VAV3: variants seen among roughly 807,000 people sequenced by gnomAD.
VAV3 encodes the protein vav guanine nucleotide exchange factor 3.
VAV3 carries 94 observed loss-of-function variants against 131.2 expected under a neutral mutation model. That is an observed-to-expected ratio of 0.72 (90% CI 0.61 to 0.85). VAV3 has a LOEUF of 0.85. VAV3 is among the 40% of genes least tolerant of loss of function. The probability of loss-of-function intolerance (pLI) is 0.00; values close to 1 mark genes in which losing one functional copy is unlikely to be tolerated. For synonymous variants in VAV3, 349 were observed against 342.0 expected (o/e 1.02, Z -0.22); for missense variants, 939 against 1,002.7 (o/e 0.94, Z 0.86).
chr1:107,755,880 C>T (rs1000609669), intron 11 of VAV3, among the ~76,000 whole-genome samples: 4 of 152,106 alleles, frequency 2.6e-5, no homozygotes, highest in African/African-American at 9.7e-5. Context: ...TATTTTTACA[C>T]AGGTTAGAAG....
At chr1:107,891,308 T>C (rs549155077) in intron 1 of VAV3, among the ~76,000 whole-genome samples, 31 of 152,308 alleles carry the variant, frequency 2.0e-4, no homozygotes, top group African/African-American at 6.0e-4. Context: ...TCAGATGTTA[T>C]ATCATTTTAA....
chr1:107,643,400 T>C (rs1655500796), intron 19 of VAV3, among the ~76,000 whole-genome samples: 1 of 152,280 alleles, frequency 6.6e-6, no homozygotes, highest in African/African-American at 2.4e-5. Flanking sequence ...TTTGTATTTC[T>C]TTGAATGTGC....
At chr1:107,597,960 T>G (rs1651523041) in intron 24 of VAV3, among the ~76,000 whole-genome samples, 1 of 152,110 alleles carries the variant, frequency 6.6e-6, no homozygotes, top group South Asian at 2.1e-4. Context: ...ATCAGTGAGG[T>G]GAGTGAACTT....
At chr1:107,579,969 C>G (rs940494525) in intron 25 of VAV3, among the ~76,000 whole-genome samples, 8 of 152,206 alleles carry the variant, frequency 5.3e-5, no homozygotes, top group African/African-American at 1.9e-4. Flanking sequence ...GCCCAGACCC[C>G]TCCCAGGAGC....
chr1:107,808,565 C>T (rs1667169524), intron 2 of VAV3, among the ~76,000 whole-genome samples: 1 of 152,056 alleles, frequency 6.6e-6, no homozygotes, highest in Admixed American at 6.6e-5. Flanking sequence ...GACCCTAAAT[C>T]TCAATTCATG....
intron 19 of VAV3, among the ~76,000 whole-genome samples, chr1:107,672,477 T>C (rs1570727576): frequency 1.3e-5 from 2 of 151,950 alleles, no homozygotes; most frequent in Non-Finnish European, 2.9e-5. Context: ...TAAGTAGGTG[T>C]TTAATAAGTC....
At chr1:107,903,135 T>C (rs144943353) in intron 1 of VAV3, among the ~76,000 whole-genome samples, 5 of 152,178 alleles carry the variant, frequency 3.3e-5, no homozygotes, top group East Asian at 3.9e-4. Context: ...GAATGTGCTA[T>C]AGAGAAAAAA....
At chr1:107,824,084 A>T (rs530166066) in intron 2 of VAV3, among the ~76,000 whole-genome samples, 1 of 152,322 alleles carries the variant, frequency 6.6e-6, no homozygotes, top group East Asian at 1.9e-4. Flanking sequence ...GGGAGACGTG[A>T]ACTGAGTAGA....
At chr1:107,761,286 A>G (rs930947731) in intron 9 of VAV3, among the ~76,000 whole-genome samples, 49 of 151,804 alleles carry the variant, frequency 3.2e-4, no homozygotes, top group African/African-American at 8.2e-4. Context: ...CCAGCTACTC[A>G]GAAGGCTGAG....
At chr1:107,671,142 T>C (rs1313531945) in intron 19 of VAV3, among the ~76,000 whole-genome samples, 1 of 152,248 alleles carries the variant, frequency 6.6e-6, no homozygotes, top group African/African-American at 2.4e-5. Flanking sequence ...GTTTATCTAA[T>C]CATGTTCACG....
chr1:107,922,667 A>G (rs1255463767), intron 1 of VAV3, among the ~76,000 whole-genome samples: 1 of 152,068 alleles, frequency 6.6e-6, no homozygotes, highest in Admixed American at 6.6e-5. Flanking sequence ...AAAGAGCACA[A>G]TTTGGCCGGG....
rs1424397322 is a variant in VAV3, at chr1:107,571,210, A to C, written c.*2121T>G. ...TTGACATATTTACAAAATAATACAA[A>C]GTGAAATACCACTCTAATTCACCGT... is the stretch of plus-strand genomic sequence containing the variant. On this transcript the variant is annotated 3_prime_UTR_variant, in exon 27 of 27. Transcript: ENST00000370056. 2 of 152,706 alleles carry C rather than the reference A, an allele frequency of 1.3e-5. No individual in the cohort carries two copies. Among genetic ancestry groups the C allele is most frequent in the African/African-American group, 4.8e-5 (2 of 41,472 alleles). The allele number at this position is 152,706 out of a possible 1,614,324, so 9.5% of individuals were successfully genotyped here.
At chr1:107,801,630 G>A (rs1666832471) in intron 2 of VAV3, among the ~76,000 whole-genome samples, 1 of 151,996 alleles carries the variant, frequency 6.6e-6, no homozygotes, top group Admixed American at 6.6e-5. Flanking sequence ...TTCAAATAAG[G>A]CAAACACCAA....
chr1:107,777,066 T>C (rs1413328965), intron 4 of VAV3, among the ~76,000 whole-genome samples, 165 bp downstream of exon 4: 1 of 152,222 alleles, frequency 6.6e-6, no homozygotes, highest in African/African-American at 2.4e-5. Flanking sequence ...TAAAAACCAG[T>C]TGAAGTACAT....
chr1:107,724,723 G>A (rs1314861057), intron 15 of VAV3, among the ~76,000 whole-genome samples: 1 of 152,006 alleles, frequency 6.6e-6, no homozygotes, highest in Non-Finnish European at 1.5e-5. Flanking sequence ...AACAGATCCC[G>A]AGCCAGTAAA....
intron 15 of VAV3, among the ~76,000 whole-genome samples, chr1:107,739,236 A>G (rs934047412): frequency 6.6e-6 from 1 of 152,252 alleles, no homozygotes; most frequent in East Asian, 1.9e-4. Flanking sequence ...AGGCAATAAC[A>G]AAACAAGAAT....
At chr1:107,670,017 T>C (rs78068305) in intron 19 of VAV3, among the ~76,000 whole-genome samples, 2,363 of 152,346 alleles carry the variant, frequency 0.016, 65 homozygotes, top group African/African-American at 0.055. Flanking sequence ...GGTTCAGTTT[T>C]CTATCTTGAT....
chr1:107,827,575 G>T (rs1441786648), intron 2 of VAV3, among the ~76,000 whole-genome samples: 1 of 152,156 alleles, frequency 6.6e-6, no homozygotes, highest in Non-Finnish European at 1.5e-5. Flanking sequence ...AGTCAGACAT[G>T]ATCAAAGAAC....
chr1:107,732,435 G>C (rs12028775), intron 15 of VAV3, among the ~76,000 whole-genome samples: 1 of 152,206 alleles, frequency 6.6e-6, no homozygotes, highest in South Asian at 2.1e-4. Flanking sequence ...AGCTCAAGGG[G>C]TTGGGGGATT....
Sources: allele counts gnomAD v4.1 joint callset (sites outside exome capture counted in the v4.1 genomes callset), GRCh38; gene constraint gnomAD v4.1.1; transcripts MANE v1.5; gene names NCBI Gene and HGNC (gene_info 2026-07-23, HGNC 2026-07-21).